Variants in LRFN5 observed in about 807,000 individuals in gnomAD.
LRFN5 encodes the protein leucine-rich repeat and fibronectin type-III domain-containing protein 5.
LRFN5 carries 24 observed loss-of-function variants against 45.6 expected under a neutral mutation model. That is an observed-to-expected ratio of 0.53 (90% CI 0.38 to 0.74). The LOEUF is 0.74. Ranked by LOEUF, LRFN5 falls within the 30% of genes least tolerant of loss-of-function variation. LRFN5 has a pLI of 0.00. For missense variants in LRFN5, 776 were observed against 861.5 expected (o/e 0.90, Z 1.24); for synonymous variants, 340 against 313.8 (o/e 1.08, Z -0.88).
intron 2 of LRFN5, among the ~76,000 whole-genome samples, chr14:41,851,170 G>T (rs776079516): frequency 1.1e-4 from 17 of 151,556 alleles, no homozygotes; most frequent in Non-Finnish European, 1.8e-4. Flanking sequence ...ATTCTACTTT[G>T]GTGTCCCTTC....
At chr14:41,818,409 T>G (rs984663936) in intron 2 of LRFN5, among the ~76,000 whole-genome samples, 3 of 152,064 alleles carry the variant, frequency 2.0e-5, no homozygotes, top group African/African-American at 7.2e-5. Flanking sequence ...CTCACTGTTT[T>G]ATATAGAGAC....
intron 1 of LRFN5, among the ~76,000 whole-genome samples, chr14:41,640,410 C>CTACA (rs1432964152): frequency 6.6e-6 from 1 of 152,014 alleles, no homozygotes; most frequent in Non-Finnish European, 1.5e-5. Flanking sequence ...TCGTGTAGCT[C>CTACA]TACATGGAAG....
chr14:41,627,967 A>G lies in LRFN5; in HGVS notation c.-197+19405A>G, dbSNP rs1888389597. On this transcript the variant is annotated intron_variant, in intron 1 of 5. Coordinates refer to ENST00000298119, the MANE Select transcript of LRFN5 (RefSeq NM_152447.5). ...ATGACTGAGGGAATTAATTTTATTT[A>G]TTGCAGCTAGGAAAATTAGCATTTA... Among the ~76,000 whole-genome samples, 2 of 152,104 alleles carry G rather than the reference A, an allele frequency of 1.3e-5. 1 individual carries two copies. The highest frequency in any genetic ancestry group is 1.3e-4 in the Admixed American group (2 of 15,268).
At chr14:41,702,081 A>G (rs550137559) in intron 1 of LRFN5, among the ~76,000 whole-genome samples, 5 of 152,192 alleles carry the variant, frequency 3.3e-5, no homozygotes, top group East Asian at 1.9e-4. Flanking sequence ...TCTGAAGATC[A>G]TGTACTGATT....
At chr14:41,618,888 C>T (rs1888013971) in intron 1 of LRFN5, among the ~76,000 whole-genome samples, 1 of 152,138 alleles carries the variant, frequency 6.6e-6, no homozygotes, top group South Asian at 2.1e-4. Flanking sequence ...TTTTTTCTTA[C>T]ACCTTTGGAA....
chr14:41,657,977 T>C (rs1880458017), intron 1 of LRFN5, among the ~76,000 whole-genome samples: 1 of 151,856 alleles, frequency 6.6e-6, no homozygotes, highest in African/African-American at 2.4e-5. Context: ...CAAGTCTTTA[T>C]TATTAAATTC....
At chr14:41,786,830 G>T (rs188871804) in intron 2 of LRFN5, among the ~76,000 whole-genome samples, 1 of 151,782 alleles carries the variant, frequency 6.6e-6, no homozygotes, top group East Asian at 1.9e-4. Context: ...TTGTGTTGTT[G>T]TTATTATATT....
At chr14:41,778,169 A>T (rs1886360071) in intron 2 of LRFN5, among the ~76,000 whole-genome samples, 1 of 151,776 alleles carries the variant, frequency 6.6e-6, no homozygotes, top group Admixed American at 6.6e-5. Flanking sequence ...ATTTATAATG[A>T]CTGAAAATAA....
chr14:41,886,465 G>A (rs1890575370), intron 2 of LRFN5, 141 bp from the exon 3 acceptor site: 1 of 587,472 alleles, frequency 1.7e-6, no homozygotes, highest in Admixed American at 3.7e-5. Flanking sequence ...CTTTACTACA[G>A]AATAAATATT....
intron 2 of LRFN5, among the ~76,000 whole-genome samples, chr14:41,836,385 T>C (rs1888662824): frequency 6.6e-6 from 1 of 152,228 alleles, no homozygotes. Flanking sequence ...GAATTGCACA[T>C]ACTTGATATA....
chr14:41,838,394 G>A (rs1400184838), intron 2 of LRFN5, among the ~76,000 whole-genome samples: 1 of 152,162 alleles, frequency 6.6e-6, no homozygotes, highest in Non-Finnish European at 1.5e-5. Flanking sequence ...AATCCTGGAA[G>A]AGAGGTTCTA....
At chr14:41,658,890 T>G in intron 1 of LRFN5, among the ~76,000 whole-genome samples, 1 of 151,976 alleles carries the variant, frequency 6.6e-6, no homozygotes, top group Non-Finnish European at 1.5e-5. Flanking sequence ...TTATCTAATT[T>G]ATCAAAACTT....
chr14:41,782,680 T>C (rs781452964), intron 2 of LRFN5, among the ~76,000 whole-genome samples: 46 of 152,268 alleles, frequency 3.0e-4, no homozygotes, highest in Middle Eastern at 6.8e-3. Context: ...TGGCTAGAGA[T>C]GGACTTTGTT....
intron 2 of LRFN5, among the ~76,000 whole-genome samples, chr14:41,792,676 C>A (rs2138947945): frequency 6.6e-6 from 1 of 152,010 alleles, no homozygotes; most frequent in South Asian, 2.1e-4. Context: ...GGCAGTCAGA[C>A]CTTAGGGTTG....
At position 41,886,808 on chromosome 14, in the gene LRFN5, T is replaced by C; in HGVS notation, c.183T>C (p.Asn61=). ...RRTVELRLAD[N]FVTNIKRKDF... ...CTGTGGAACTGCGGTTGGCAGACAA[T>C]TTTGTTACAAATATTAAAAGGAAAG... Residue 61 remains asparagine, a synonymous_variant, in exon 3 of 6, where the codon AAT becomes AAC. Coordinates refer to ENST00000298119, the MANE Select transcript of LRFN5 (RefSeq NM_152447.5). The C allele has an allele frequency of 6.2e-7, 1 of 1,614,058 alleles. No individual in the cohort carries two copies. Among genetic ancestry groups the C allele is most frequent in the African/African-American group, 1.3e-5 (1 of 75,028 alleles).
At chr14:41,674,057 G>A (rs1258951535) in intron 1 of LRFN5, among the ~76,000 whole-genome samples, 9 of 149,562 alleles carry the variant, frequency 6.0e-5, no homozygotes, top group East Asian at 2.1e-4. Flanking sequence ...CAGATGGGGC[G>A]GCTGGCTGGG....
At chr14:41,690,633 A>C (rs1362576970) in intron 1 of LRFN5, among the ~76,000 whole-genome samples, 2 of 152,172 alleles carry the variant, frequency 1.3e-5, no homozygotes, top group Non-Finnish European at 2.9e-5. Flanking sequence ...AATAGAAGGG[A>C]ATTTGCTTAA....
chr14:41,875,861 T>C (rs1566497871), intron 2 of LRFN5, among the ~76,000 whole-genome samples: 1 of 152,200 alleles, frequency 6.6e-6, no homozygotes, highest in Non-Finnish European at 1.5e-5. Context: ...AGAGAGTTGT[T>C]ATTTCACAAC....
chr14:41,871,267 G>T (rs1036015412), intron 2 of LRFN5, among the ~76,000 whole-genome samples: 1 of 151,886 alleles, frequency 6.6e-6, no homozygotes, highest in Non-Finnish European at 1.5e-5. Context: ...ATTATTTTGT[G>T]TAATAACAAA....
Sources: gnomAD v4.1 joint callset for allele counts (sites outside exome capture counted in the v4.1 genomes callset) on GRCh38, gnomAD v4.1.1 for gene constraint, MANE v1.5 for transcripts, NCBI Gene and HGNC (gene_info 2026-07-23, HGNC 2026-07-21) for gene names.